Variants in INVS observed in about 807,000 individuals in gnomAD.
INVS encodes inversion of embryo turning homolog.
INVS carries 86 observed loss-of-function variants against 108.8 expected under a neutral mutation model. The observed-to-expected ratio is 0.79, with a 90% CI of 0.66 to 0.95. The LOEUF (loss-of-function observed/expected upper bound fraction) is 0.95, where lower values mean the gene tolerates loss of function less well. Ranked by LOEUF, INVS falls within the 40% of genes least tolerant of loss-of-function variation. The pLI is 0.00. For missense variants in INVS, 1,169 were observed against 1,297.4 expected, an observed-to-expected ratio of 0.90 and a Z score of 1.52; for synonymous variants, 455 against 473.5, an observed-to-expected ratio of 0.96 and a Z score of 0.51.
intron 1 of INVS, among the ~76,000 whole-genome samples, chr9:100,100,797 A>T (rs865787887): frequency 1.4e-4 from 1 of 7,222 alleles, no homozygotes; most frequent in Non-Finnish European, 1.8e-4. Context: ...TATATATATA[A>T]TATATGTATA....
At chr9:100,228,288 G>A (rs1195241031) in intron 4 of INVS, among the ~76,000 whole-genome samples, 1 of 152,148 alleles carries the variant, frequency 6.6e-6, no homozygotes, top group African/African-American at 2.4e-5. Flanking sequence ...ACTGCGCCCA[G>A]CCAAACATTA....
At chr9:100,261,338 T>C (rs1052782419) in intron 10 of INVS, among the ~76,000 whole-genome samples, 1 of 150,384 alleles carries the variant, frequency 6.6e-6, no homozygotes, top group Non-Finnish European at 1.5e-5. Context: ...CAGTCTCAGC[T>C]CACTGCAAGC....
At chr9:100,262,548 T>C (rs1356823031) in intron 10 of INVS, among the ~76,000 whole-genome samples, 1 of 151,742 alleles carries the variant, frequency 6.6e-6, no homozygotes, top group Non-Finnish European at 1.5e-5. Context: ...GTAGGACCTG[T>C]AGTGAGTTCC....
Position 100,300,956 on chromosome 9 carries a change from T to C in INVS, c.*282T>C, listed in dbSNP as rs941488921. ...CTGCTTTCACCTCAGTCTGTACAGTTGGAAATGAGAATTCATAATTAACAG... is the reference window on the plus strand; with the variant it reads ...CTGCTTTCACCTCAGTCTGTACAGTCGGAAATGAGAATTCATAATTAACAG... On this transcript the variant is annotated 3_prime_UTR_variant, in exon 17 of 17. Transcript: ENST00000262457. The C allele has an allele frequency of 7.1e-6, 3 of 424,434 alleles. No homozygotes were observed. Among genetic ancestry groups the C allele is most frequent in the African/African-American group, 2.0e-5 (1 of 50,070 alleles). 26.3% of individuals were successfully genotyped at this position (424,434 alleles called of 1,614,324 possible).
intron 3 of INVS, among the ~76,000 whole-genome samples, chr9:100,209,841 C>T (rs1417424523): frequency 1.3e-5 from 2 of 151,266 alleles, no homozygotes; most frequent in Non-Finnish European, 2.9e-5. Flanking sequence ...GCCCAAACTC[C>T]TTGACCCTGC....
intron 3 of INVS, among the ~76,000 whole-genome samples, chr9:100,189,896 G>A (rs971284656): frequency 5.3e-5 from 8 of 151,892 alleles, no homozygotes; most frequent in Non-Finnish European, 1.2e-4. Context: ...AGCAAAGTAT[G>A]GGGTAGAATT....
intron 1 of INVS, among the ~76,000 whole-genome samples, chr9:100,100,008 C>T (rs1826769693): frequency 6.6e-6 from 1 of 152,148 alleles, no homozygotes. Context: ...TCCCGAACAA[C>T]CAACCCTTTA....
At chr9:100,282,110 G>A (rs2118714521) in intron 12 of INVS, among the ~76,000 whole-genome samples, 1 of 152,180 alleles carries the variant, frequency 6.6e-6, no homozygotes, top group East Asian at 1.9e-4. Flanking sequence ...CATCGGTGCT[G>A]ATAAAAAGCT....
intron 3 of INVS, among the ~76,000 whole-genome samples, chr9:100,161,979 CAGTT>C (rs1829205996): frequency 2.0e-5 from 3 of 152,140 alleles, no homozygotes; most frequent in Admixed American, 1.3e-4. Flanking sequence ...GAGTAATAAA[CAGTT>C]AGACTTCCTG....
In INVS at chr9:100,154,173, T is replaced by A. The variant is rs375463499; in HGVS notation, c.273+27624T>A. On this transcript the variant is annotated intron_variant, in intron 3 of 16. Coordinates refer to ENST00000262457, the MANE Select transcript of INVS (RefSeq NM_014425.5). ...AAGCAAATGCACTTTTTTTGTTGTTTTTGTTTTTGAGACAGGATCTCACTC... is the reference window on the plus strand; with the variant it reads ...AAGCAAATGCACTTTTTTTGTTGTTATTGTTTTTGAGACAGGATCTCACTC... Among the ~76,000 whole-genome samples, 109 of 152,050 alleles carry A rather than the reference T, an allele frequency of 7.2e-4. 1 individual carries two copies. The Middle Eastern group carries it at 0.024, about 33-fold the overall frequency.
chr9:100,300,716 C>A lies in INVS; in HGVS notation c.*42C>A. On this transcript the variant is annotated 3_prime_UTR_variant, in exon 17 of 17. Transcript: ENST00000262457. ...ACTGTGTTCGGGGGAGCTGGCATAG[C>A]TAGTGCAGAGTTCAGATTTTCTGCT... The A allele has an allele frequency of 1.5e-6, 2 of 1,362,902 alleles. No individual in the cohort carries two copies. The highest frequency in any genetic ancestry group is 2.1e-6 in the Non-Finnish European group (2 of 955,432). 84.4% of individuals were successfully genotyped at this position (1,362,902 alleles called of 1,614,324 possible).
intron 12 of INVS, among the ~76,000 whole-genome samples, chr9:100,282,282 A>G (rs1380458713): frequency 6.6e-6 from 1 of 152,156 alleles, no homozygotes; most frequent in Non-Finnish European, 1.5e-5. Flanking sequence ...CTCCGAGATG[A>G]CAGGCTGTCC....
In INVS at chr9:100,297,962, C is replaced by T. The variant is rs1833838569; in HGVS notation, c.3043C>T (p.His1015Tyr). ...TTGTTCTCACGAAGGGAAAATACAT[C>T]ATCCTACAAGATCTGTAAAAGCCTC... ...YGCSHEGKIH[H>Y]PTRSVKASSV... The change falls in exon 16 of 17, where the codon CAT (histidine) becomes TAT (tyrosine). Residue 1015 changes from histidine to tyrosine, a missense_variant. Physicochemically the swap from His to Tyr is moderately conservative, Grantham distance 83. Coordinates refer to ENST00000262457, the MANE Select transcript of INVS (RefSeq NM_014425.5). The T allele has an allele frequency of 1.9e-6, 3 of 1,614,184 alleles. No individual in the cohort carries two copies. The East Asian group carries it at 6.7e-5, about 36-fold the overall frequency.
intron 3 of INVS, among the ~76,000 whole-genome samples, chr9:100,163,180 C>CTA (rs1344717485): frequency 4.1e-4 from 53 of 128,086 alleles, no homozygotes; most frequent in Non-Finnish European, 7.1e-4. Flanking sequence ...ACTTGATGTT[C>CTA]TTTCTATTTT....
chr9:100,290,531 T>C (rs1833579929), intron 13 of INVS, among the ~76,000 whole-genome samples: 1 of 152,032 alleles, frequency 6.6e-6, no homozygotes, highest in Admixed American at 6.5e-5. Context: ...TTTGTATTTT[T>C]AGTAGAGACA....
intron 5 of INVS, among the ~76,000 whole-genome samples, chr9:100,236,248 G>C (rs1352019578): frequency 6.6e-6 from 1 of 152,148 alleles, no homozygotes; most frequent in Non-Finnish European, 1.5e-5. Flanking sequence ...ATTCTAGTTA[G>C]CAGTTCCTGT....
At chr9:100,234,708 G>C (rs1203608877) in intron 5 of INVS, among the ~76,000 whole-genome samples, 1 of 152,152 alleles carries the variant, frequency 6.6e-6, no homozygotes, top group African/African-American at 2.4e-5. Context: ...GTTCTAATTT[G>C]ATTGCACTGT....
chr9:100,183,608 C>T (rs1046334338), intron 3 of INVS, among the ~76,000 whole-genome samples: 8 of 152,038 alleles, frequency 5.3e-5, no homozygotes, highest in Non-Finnish European at 1.0e-4. Flanking sequence ...CCCTGGGCAA[C>T]ATGGTGAAAC....
At chr9:100,257,369 A>C (rs1832455605) in intron 10 of INVS, among the ~76,000 whole-genome samples, 1 of 152,140 alleles carries the variant, frequency 6.6e-6, no homozygotes, top group African/African-American at 2.4e-5. Context: ...CCAATTTGCC[A>C]GTCTGTGTCT....
Sources: gnomAD v4.1 joint callset for allele counts (sites outside exome capture counted in the v4.1 genomes callset) on GRCh38, gnomAD v4.1.1 for gene constraint, MANE v1.5 for transcripts, NCBI Gene and HGNC (gene_info 2026-07-23, HGNC 2026-07-21) for gene names.